The following FNBP1 variants were observed in gnomAD, a reference collection of about 807,000 sequenced individuals.
FNBP1 encodes formin binding protein 1.
FNBP1 carries 26 observed loss-of-function variants against 90.6 expected under a neutral mutation model. That is an observed-to-expected ratio of 0.29 (90% CI 0.21 to 0.40). The LOEUF (loss-of-function observed/expected upper bound fraction) is 0.40, where lower values mean the gene tolerates loss of function less well. Ranked by LOEUF, FNBP1 falls within the 10% of genes least tolerant of loss-of-function variation. The pLI is 1.00. For synonymous variants in FNBP1, 260 were observed against 265.2 expected, an observed-to-expected ratio of 0.98 and a Z score of 0.19; for missense variants, 635 against 768.0, an observed-to-expected ratio of 0.83 and a Z score of 2.05.
rs568441500 is a variant in FNBP1 at position 129,934,733 on chromosome 9, G to A, written c.514-5038C>T. On this transcript the variant is annotated intron_variant, in intron 6 of 16. Transcript: ENST00000446176. Reference sequence around the variant, plus strand: ...ATTACAGGCACCCGCCACCACGCCCGGCTAATTTTTGTATTTTTAGTAGAG... The same window carrying A: ...ATTACAGGCACCCGCCACCACGCCCAGCTAATTTTTGTATTTTTAGTAGAG... Among the ~76,000 whole-genome samples the A allele has an allele frequency of 5.9e-5, 9 of 151,820 alleles. No individual in the cohort carries two copies. In the South Asian group the frequency reaches 1.0e-3, roughly 18 times the overall value.
intron 2 of FNBP1, 86 bp from the exon 3 acceptor site, chr9:129,979,460 A>G: frequency 2.0e-6 from 2 of 980,090 alleles, no homozygotes; most frequent in East Asian, 2.4e-5. Flanking sequence ...TGCTTTTGTT[A>G]CAAGTTTAAA....
Position 130,041,115 on chromosome 9 carries a change from G to A in FNBP1, c.24+1837C>T, listed in dbSNP as rs1249820482. ...GCCTCCCAAGGTGCTGGCAATATAGGCCTGAGCCACTGCGCCCGGCCTCTC... is the reference window on the plus strand; with the variant it reads ...GCCTCCCAAGGTGCTGGCAATATAGACCTGAGCCACTGCGCCCGGCCTCTC... On this transcript the variant is annotated intron_variant, in intron 1 of 16. Coordinates refer to ENST00000446176, the MANE Select transcript of FNBP1 (RefSeq NM_015033.3). This position sits in a 1 kb window ranked among gnomAD's most constrained non-coding sequence, Gnocchi z 4.3. Among the ~76,000 whole-genome samples, 2 of 151,238 alleles carry A rather than the reference G, an allele frequency of 1.3e-5. No individual in the cohort carries two copies. The highest frequency in any genetic ancestry group is 4.9e-5 in the African/African-American group (2 of 41,130).
chr9:130,053,590 G>A, the FNBP1 span: 772 of 337,748 alleles, frequency 2.3e-3, 2 homozygotes, highest in Non-Finnish European at 3.0e-3. Flanking sequence ...CTTATCCCCC[G>A]ACCCTGAGAT....
At chr9:129,971,143 C>T (rs150280706) in intron 4 of FNBP1, among the ~76,000 whole-genome samples, 1,882 of 151,884 alleles carry the variant, frequency 0.012, 15 homozygotes, top group Middle Eastern at 0.02. Flanking sequence ...TGCCCACCTC[C>T]GCCTCCCAAA....
intron 1 of FNBP1, among the ~76,000 whole-genome samples, chr9:130,034,269 C>T (rs650975): frequency 0.92 from 137,679 of 149,588 alleles, 63,866 homozygotes; most frequent in South Asian, 0.98. Flanking sequence ...GCTGAGATCA[C>T]ACCACTGCAC....
chr9:130,013,111 T>C (rs1450451719), intron 1 of FNBP1, among the ~76,000 whole-genome samples: 1 of 152,162 alleles, frequency 6.6e-6, no homozygotes, highest in South Asian at 2.1e-4. Flanking sequence ...AGAGAATTGG[T>C]ATCTAGAATA....
At position 129,900,680 on chromosome 9, in the gene FNBP1, G is replaced by A. The variant is rs1327474658; in HGVS notation, c.1429-133C>T. The A allele has an allele frequency of 2.1e-5, 20 of 970,544 alleles. No homozygotes were observed. The highest frequency in any genetic ancestry group is 2.7e-5 in the Non-Finnish European group (20 of 734,088). The allele number at this position is 970,544 out of a possible 1,614,324, so 60.1% of individuals were successfully genotyped here. On this transcript the variant is annotated intron_variant, in intron 13 of 16. Transcript: ENST00000446176. This position sits in a 1 kb window ranked among gnomAD's most constrained non-coding sequence, Gnocchi z 4.1. ...GGTCCCAAACTCAGGGGCTACTCTT[G>A]GCCATTTAACCCAATGTGAGGAAGT...
At chr9:129,893,408 G>C (rs904445230) in intron 16 of FNBP1, among the ~76,000 whole-genome samples, 4 of 147,286 alleles carry the variant, frequency 2.7e-5, no homozygotes, top group Non-Finnish European at 6.0e-5. Flanking sequence ...TTTGAGACAA[G>C]CCTGGCCAAC....
rs77369142 is a variant in FNBP1 at position 129,938,541 on chromosome 9, C to CTTTTTT, written c.514-8852_514-8847dup. On this transcript the variant is annotated intron_variant, in intron 6 of 16. Transcript: ENST00000446176. ...GAACTATTCCAGCAATTTCCTGACT[C>CTTTTTT]TTTTTTTTTTTTTTGAAAACAGTCT... is the stretch of plus-strand genomic sequence containing the variant. Among the ~76,000 whole-genome samples, 894 of 140,638 alleles carry CTTTTTT rather than the reference C, an allele frequency of 6.4e-3. 7 individuals carry two copies. Among genetic ancestry groups the CTTTTTT allele is most frequent in the East Asian group, 0.01 (49 of 4,884 alleles). The allele number at this position is 140,638 out of a possible 152,430, so 92.3% of individuals were successfully genotyped here. A position where few individuals can be genotyped will look rare whatever the true frequency, so the allele number is the denominator to read the frequency against.
intron 2 of FNBP1, among the ~76,000 whole-genome samples, chr9:129,985,961 CAAAAAAAAAA>C (rs898462142): frequency 2.9e-4 from 13 of 45,124 alleles, no homozygotes; most frequent in East Asian, 1.9e-3. Context: ...AGCTCCATCT[CAAAAAAAAAA>C]AAAAAAAAAA....
chr9:130,050,043 C>G, the FNBP1 span, among the ~76,000 whole-genome samples: 1 of 152,134 alleles, frequency 6.6e-6, no homozygotes, highest in Admixed American at 6.5e-5. Flanking sequence ...GACCGCCTGC[C>G]TGAACTTACA....
intron 6 of FNBP1, among the ~76,000 whole-genome samples, chr9:129,950,515 C>A (rs1452532401): frequency 2.0e-5 from 3 of 152,168 alleles, no homozygotes; most frequent in Admixed American, 6.5e-5. Context: ...AAAGTTAAAA[C>A]TGCCTTGGAT....
intron 1 of FNBP1, among the ~76,000 whole-genome samples, chr9:130,002,668 A>AT (rs1303583358): frequency 6.6e-6 from 1 of 151,962 alleles, no homozygotes; most frequent in Non-Finnish European, 1.5e-5. Flanking sequence ...CCAAACAAAG[A>AT]TTTTTTTCTT....
At chr9:129,916,158 T>C (rs1312838158) in intron 10 of FNBP1, 178 bp from the exon 11 acceptor site, 1 of 593,556 alleles carries the variant, frequency 1.7e-6, no homozygotes, top group Non-Finnish European at 3.0e-6. Context: ...GTGCAAAAGT[T>C]CACAAGAAGG....
intron 4 of FNBP1, among the ~76,000 whole-genome samples, chr9:129,965,817 G>A (rs13292406): frequency 0.8 from 79,474 of 98,832 alleles, 31,173 homozygotes; most frequent in East Asian, 0.83. Flanking sequence ...GGGAGGGAGG[G>A]AGGAAGGAAG....
chr9:130,025,306 T>C (rs2058239873), intron 1 of FNBP1, among the ~76,000 whole-genome samples: 1 of 152,226 alleles, frequency 6.6e-6, no homozygotes, highest in Non-Finnish European at 1.5e-5. Flanking sequence ...ACTTTTTGAA[T>C]TGTTGAACCC....
chr9:130,037,838 A>G (rs574788448), intron 1 of FNBP1, among the ~76,000 whole-genome samples: 28 of 152,328 alleles, frequency 1.8e-4, no homozygotes, highest in African/African-American at 6.5e-4. Flanking sequence ...TATTTTTAAA[A>G]AGCAAATGTT....
rs368655363 is a variant in FNBP1 at position 129,980,293 on chromosome 9, G to A, written c.141-919C>T. Among the ~76,000 whole-genome samples the A allele has an allele frequency of 4.0e-5, 6 of 151,168 alleles. No individual in the cohort carries two copies. The East Asian group carries it at 8.0e-4, about 20-fold the overall frequency. On this transcript the variant is annotated intron_variant, in intron 2 of 16. Coordinates refer to ENST00000446176, the MANE Select transcript of FNBP1 (RefSeq NM_015033.3). ...AAGAATCGCTTGAACCCGGGAGGAG[G>A]AGGTTTCGGTGAGCCGAGATCGCAC...
At chr9:130,038,436 C>T (rs2059541930) in intron 1 of FNBP1, among the ~76,000 whole-genome samples, 1 of 136,126 alleles carries the variant, frequency 7.3e-6, no homozygotes, top group African/African-American at 2.7e-5. Flanking sequence ...GTCGCTCTGT[C>T]GCCCAGGGCG....
Sources: gnomAD v4.1 joint callset for allele counts (sites outside exome capture counted in the v4.1 genomes callset) on GRCh38, gnomAD v4.1.1 for gene constraint, Gnocchi (gnomAD v3.1) non-coding constraint, MANE v1.5 for transcripts, NCBI Gene and HGNC (gene_info 2026-07-23, HGNC 2026-07-21) for gene names.